ANKRD17: variants seen among roughly 807,000 people sequenced by gnomAD.
ANKRD17 encodes the protein ankyrin repeat domain 17.
A neutral mutation model predicts 229.7 loss-of-function variants in ANKRD17; 19 were observed. That is an observed-to-expected ratio of 0.08 (90% CI 0.06 to 0.12). The LOEUF is 0.12. Among genes scored for constraint, ANKRD17 ranks in the 10% least tolerant of loss-of-function variants. The pLI, the probability that ANKRD17 is intolerant of heterozygous loss-of-function variation, is 1.00. For missense variants in ANKRD17, 2,176 were observed against 3,176.8 expected, an observed-to-expected ratio of 0.68 and a Z score of 7.57; for synonymous variants, 1,112 against 1,146.1, an observed-to-expected ratio of 0.97 and a Z score of 0.60.
At chr4:73,208,938 G>A (rs367771238) in intron 1 of ANKRD17, among the ~76,000 whole-genome samples, 6 of 152,252 alleles carry the variant, frequency 3.9e-5, no homozygotes, top group African/African-American at 1.4e-4. Context: ...TAGGCTGGGC[G>A]CGGTGGCTCA....
At chr4:73,151,159 A>C (rs1408506500) in intron 7 of ANKRD17, among the ~76,000 whole-genome samples, 1 of 152,144 alleles carries the variant, frequency 6.6e-6, no homozygotes, top group Non-Finnish European at 1.5e-5. Context: ...TACAGTCATA[A>C]GCCACCATGC....
intron 1 of ANKRD17, among the ~76,000 whole-genome samples, chr4:73,185,569 T>A (rs1373879167): frequency 6.6e-6 from 1 of 152,090 alleles, no homozygotes; most frequent in African/African-American, 2.4e-5. Flanking sequence ...AGATTTTATA[T>A]TTTTTCTAAA....
intron 1 of ANKRD17, among the ~76,000 whole-genome samples, chr4:73,226,338 C>A (rs1461343996): frequency 1.3e-5 from 2 of 150,096 alleles, no homozygotes; most frequent in Non-Finnish European, 3.0e-5. Context: ...ACTACAGTAT[C>A]CTAATACCTT....
chr4:73,105,814 G>C (rs1724542829), intron 24 of ANKRD17, among the ~76,000 whole-genome samples: 1 of 152,138 alleles, frequency 6.6e-6, no homozygotes, highest in South Asian at 2.1e-4. Flanking sequence ...CATTAGGATA[G>C]AGCTACCCTG....
intron 15 of ANKRD17, among the ~76,000 whole-genome samples, chr4:73,137,925 GT>G (rs552649149): frequency 6.6e-6 from 1 of 152,168 alleles, no homozygotes; most frequent in South Asian, 2.1e-4. Flanking sequence ...GCAAATCATT[GT>G]TGACAACTAT....
chr4:73,145,276 T>C (rs767599647), intron 10 of ANKRD17, among the ~76,000 whole-genome samples: 1 of 152,162 alleles, frequency 6.6e-6, no homozygotes, highest in Non-Finnish European at 1.5e-5. Context: ...CCCATCTCTA[T>C]GAATTTTAGT....
rs567655486 is a variant in ANKRD17, at chr4:73,073,715, G to C, written c.*2516C>G. The C allele has an allele frequency of 4.6e-5, 7 of 152,062 alleles. No homozygotes were observed. In the East Asian group the frequency reaches 1.4e-3, roughly 29 times the overall value. The allele number at this position is 152,062 out of a possible 1,614,324, so 9.4% of individuals were successfully genotyped here. ...AGGGGAAATTTCTTCTTTATAAACA[G>C]TGAAGTCAGTGTTTGTAAATATGTT... is the stretch of plus-strand genomic sequence containing the variant. On this transcript the variant is annotated 3_prime_UTR_variant, in exon 34 of 34. Coordinates refer to ENST00000358602, the MANE Select transcript of ANKRD17 (RefSeq NM_032217.5).
At chr4:73,208,113 C>T (rs1291627859) in intron 1 of ANKRD17, among the ~76,000 whole-genome samples, 4 of 131,030 alleles carry the variant, frequency 3.1e-5, no homozygotes, top group East Asian at 4.9e-4. Flanking sequence ...GGCGTGAGCC[C>T]GGGAGGCGGA....
In ANKRD17 at chr4:73,119,452, A is replaced by G. The variant is rs528182079; in HGVS notation, c.4026-602T>C. 3.0e-4 allele frequency among the ~76,000 whole-genome samples: 45 copies of G among 152,304 alleles called. 1 individual carries two copies. The South Asian group carries it at 9.3e-3, about 32-fold the overall frequency. On this transcript the variant is annotated intron_variant, in intron 21 of 33. Coordinates refer to ENST00000358602, the MANE Select transcript of ANKRD17 (RefSeq NM_032217.5). The stretch of plus-strand genomic sequence containing the variant: ...CCAAAGAGCATTTCCTTTGAGTGTC[A>G]TAACAGGGCTCAAAAAGTTCCATAC...
intron 14 of ANKRD17, among the ~76,000 whole-genome samples, chr4:73,140,683 G>A (rs1357862184): frequency 6.6e-6 from 1 of 152,184 alleles, no homozygotes; most frequent in East Asian, 1.9e-4. Flanking sequence ...AGAGGAAACA[G>A]ACCTCTAAGT....
intron 1 of ANKRD17, among the ~76,000 whole-genome samples, chr4:73,180,014 T>G (rs1735333396): frequency 6.6e-6 from 1 of 152,108 alleles, no homozygotes; most frequent in Non-Finnish European, 1.5e-5. Flanking sequence ...TATTTCAATT[T>G]AATAAGAAAA....
At chr4:73,112,544 A>G (rs1000926093) in intron 24 of ANKRD17, 6 of 403,704 alleles carry the variant, frequency 1.5e-5, no homozygotes, top group Middle Eastern at 1.2e-3. Context: ...TTAAAAATGA[A>G]GAGCTTCCAA....
chr4:73,142,412 A>G, intron 12 of ANKRD17, 27 bp from the exon 13 acceptor site: 1 of 1,584,188 alleles, frequency 6.3e-7, no homozygotes, highest in Non-Finnish European at 8.5e-7. Context: ...GGAAGGGGAA[A>G]AAAAGTGAAG....
chr4:73,116,403 A>G (rs1039852434), intron 22 of ANKRD17, among the ~76,000 whole-genome samples: 1 of 152,218 alleles, frequency 6.6e-6, no homozygotes, highest in Non-Finnish European at 1.5e-5. Flanking sequence ...AGAATAAGCT[A>G]TGATTATTCA....
intron 22 of ANKRD17, among the ~76,000 whole-genome samples, 170 bp from the exon 23 acceptor site, chr4:73,116,086 A>G (rs1017050996): frequency 9.9e-5 from 15 of 152,246 alleles, no homozygotes; most frequent in African/African-American, 3.1e-4. Context: ...AGTTAAATCC[A>G]CATTGATCAT....
At position 73,091,166 on chromosome 4, in the gene ANKRD17, T is replaced by C. The variant is rs1194927994; in HGVS notation, c.6462A>G (p.Pro2154=). Residue 2154 remains proline (P), a synonymous_variant, in exon 29 of 34, where the codon CCA becomes CCG. Coordinates refer to ENST00000358602, the MANE Select transcript of ANKRD17 (RefSeq NM_032217.5). ...SAPVAVPSTA[P]VTYPMPQTPM... is the part of the protein sequence containing the mutation. ...GTGTCTGAGGCATAGGGTAAGTCAC[T>C]GGGGCAGTAGAAGGCACCGCCACTG... 2.5e-6 allele frequency: 4 copies of C among 1,614,120 alleles called. No homozygotes were observed. The South Asian group carries it at 3.3e-5, about 13-fold the overall frequency.
At chr4:73,250,445 A>G (rs1744887400) in intron 1 of ANKRD17, among the ~76,000 whole-genome samples, 1 of 151,770 alleles carries the variant, frequency 6.6e-6, no homozygotes, top group South Asian at 2.1e-4. Context: ...TAATAAAAAT[A>G]CAAAACAATT....
intron 19 of ANKRD17, 104 bp downstream of exon 19, chr4:73,121,513 T>C (rs1726718162): frequency 2.2e-6 from 3 of 1,370,372 alleles, no homozygotes; most frequent in Admixed American, 3.7e-5. Context: ...GCCAAATTTG[T>C]AATAAAGGGA....
rs1378552265 is a variant in ANKRD17, at chr4:73,118,857, AC to A, written c.4026-8del. 1.9e-6 allele frequency: 3 copies of A among 1,577,426 alleles called. No homozygotes were observed. Among genetic ancestry groups the A allele is most frequent in the Non-Finnish European group, 2.6e-6 (3 of 1,156,784 alleles). ...TACATCAATATGAGCTCCCCTAAAA[AC>A]CAATGACACAGATAGCATTGTCTTT... On this transcript the variant is annotated splice_polypyrimidine_tract_variant and splice_region_variant and intron_variant, in intron 21 of 33. Coordinates refer to ENST00000358602, the MANE Select transcript of ANKRD17 (RefSeq NM_032217.5).
Sources: gnomAD v4.1 joint callset for allele counts (sites outside exome capture counted in the v4.1 genomes callset) on GRCh38, gnomAD v4.1.1 for gene constraint, MANE v1.5 for transcripts, NCBI Gene and HGNC (gene_info 2026-07-23, HGNC 2026-07-21) for gene names.